Variants in FCHSD2 observed in about 807,000 individuals in gnomAD.
FCHSD2 encodes F-BAR and double SH3 domains protein 2.
FCHSD2 carries 38 observed loss-of-function variants against 108.1 expected under a neutral mutation model. The observed-to-expected ratio is 0.35, with a 90% CI of 0.27 to 0.46. The LOEUF (loss-of-function observed/expected upper bound fraction) is 0.46, where lower values mean the gene tolerates loss of function less well. FCHSD2 is among the 20% of genes least tolerant of loss of function. The pLI, the probability that FCHSD2 is intolerant of heterozygous loss-of-function variation, is 1.00. For missense variants in FCHSD2, 751 were observed against 897.8 expected (o/e 0.84, Z 2.09); for synonymous variants, 279 against 314.7 (o/e 0.89, Z 1.20).
intron 2 of FCHSD2, among the ~76,000 whole-genome samples, chr11:73,134,986 T>C (rs1228333189): frequency 6.6e-6 from 1 of 151,988 alleles, no homozygotes; most frequent in Non-Finnish European, 1.5e-5. Context: ...CTAGAGTAGC[T>C]AGGATTATAG....
At chr11:73,016,019 T>A (rs1591484139) in intron 3 of FCHSD2, 134 bp from the exon 4 acceptor site, 5 of 600,014 alleles carry the variant, frequency 8.3e-6, no homozygotes, top group Non-Finnish European at 1.4e-5. Flanking sequence ...AAAACAATGA[T>A]AGGCTGCACG....
At chr11:73,136,893 G>A (rs55691089) in intron 2 of FCHSD2, among the ~76,000 whole-genome samples, 4,071 of 152,140 alleles carry the variant, frequency 0.027, 184 homozygotes, top group African/African-American at 0.094. Flanking sequence ...TTAGCCGGGC[G>A]TGGTGGCAGG....
intron 3 of FCHSD2, among the ~76,000 whole-genome samples, chr11:73,018,450 C>A (rs1211636630): frequency 6.6e-6 from 1 of 151,974 alleles, no homozygotes; most frequent in African/African-American, 2.4e-5. Context: ...AATCATCATA[C>A]ACTGTTACTG....
At chr11:73,035,036 A>C (rs1325174166) in intron 3 of FCHSD2, among the ~76,000 whole-genome samples, 1 of 152,192 alleles carries the variant, frequency 6.6e-6, no homozygotes, top group Non-Finnish European at 1.5e-5. Context: ...GGTGATTCTG[A>C]TATGCAGCCA....
chr11:73,016,256 C>G (rs1304509335), intron 3 of FCHSD2, among the ~76,000 whole-genome samples: 2 of 150,700 alleles, frequency 1.3e-5, no homozygotes, highest in African/African-American at 4.9e-5. Flanking sequence ...TGAGCCGAGA[C>G]TGGGCCTCAG....
Position 73,048,465 on chromosome 11 carries a change from G to C in FCHSD2, c.166-32580C>G, listed in dbSNP as rs137966433. Among the ~76,000 whole-genome samples the C allele has an allele frequency of 3.5e-3, 527 of 152,294 alleles. 1 individual carries two copies. The highest frequency in any genetic ancestry group is 0.012 in the African/African-American group (505 of 41,564). On this transcript the variant is annotated intron_variant, in intron 3 of 19. Transcript: ENST00000409418. ...ATACTCTGTAACAACTCAAAAAGTG[G>C]AAATGGATTAAAACAATAAATGCTA...
chr11:73,120,931 T>C (rs1485931833), intron 2 of FCHSD2, among the ~76,000 whole-genome samples: 1 of 151,156 alleles, frequency 6.6e-6, no homozygotes, highest in African/African-American at 2.4e-5. Flanking sequence ...AAACATAGGC[T>C]CCCCACGAAA....
chr11:72,941,978 T>C (rs77576882), intron 8 of FCHSD2, among the ~76,000 whole-genome samples: 118 of 152,354 alleles, frequency 7.7e-4, no homozygotes, highest in African/African-American at 2.6e-3. Flanking sequence ...TCAAATACTA[T>C]GCAGTCATTA....
In FCHSD2 at chr11:73,070,199, G is replaced by A. The variant is rs117308472; in HGVS notation, c.165+13496C>T. ...TTAATGACATGGAAAGCAATCTCCAGAACAATATCCCTATAAGTGTAGTCT... is the reference window on the plus strand; with the variant it reads ...TTAATGACATGGAAAGCAATCTCCAAAACAATATCCCTATAAGTGTAGTCT... On this transcript the variant is annotated intron_variant, in intron 3 of 19. Transcript: ENST00000409418. Among the ~76,000 whole-genome samples, 1,050 of 152,264 alleles carry A rather than the reference G, an allele frequency of 6.9e-3. 4 individuals carry two copies. Among genetic ancestry groups the A allele is most frequent in the Non-Finnish European group, 9.9e-3 (676 of 68,020 alleles).
chr11:73,055,558 T>C (rs1315578368), intron 3 of FCHSD2, among the ~76,000 whole-genome samples: 1 of 152,204 alleles, frequency 6.6e-6, no homozygotes, highest in Non-Finnish European at 1.5e-5. Flanking sequence ...AAGATACTGA[T>C]ATTTCAAAAT....
chr11:73,120,169 G>A (rs4944823), intron 2 of FCHSD2, among the ~76,000 whole-genome samples: 102,687 of 151,920 alleles, frequency 0.68, 36,839 homozygotes, highest in South Asian at 0.85. Context: ...CCCACAACAC[G>A]TGGGAATTAT....
chr11:72,936,241 T>G (rs1856298353), intron 8 of FCHSD2, among the ~76,000 whole-genome samples: 1 of 152,200 alleles, frequency 6.6e-6, no homozygotes, highest in East Asian at 1.9e-4. Context: ...CTATCTCCCT[T>G]GTAAGCCTAT....
At chr11:73,076,331 A>G (rs994462135) in intron 3 of FCHSD2, among the ~76,000 whole-genome samples, 1 of 152,256 alleles carries the variant, frequency 6.6e-6, no homozygotes, top group African/African-American at 2.4e-5. Flanking sequence ...AAAATGTTAT[A>G]TATCTGTGCC....
At chr11:73,017,501 T>G (rs1857999725) in intron 3 of FCHSD2, among the ~76,000 whole-genome samples, 1 of 152,202 alleles carries the variant, frequency 6.6e-6, no homozygotes, top group Non-Finnish European at 1.5e-5. Flanking sequence ...ATGGTACCTT[T>G]CTATTAAGGT....
chr11:72,878,698 A>G (rs541755217), intron 12 of FCHSD2, among the ~76,000 whole-genome samples: 131 of 152,338 alleles, frequency 8.6e-4, no homozygotes, highest in African/African-American at 2.9e-3. Flanking sequence ...AAAATCTATA[A>G]TAAGTTGAAA....
At chr11:72,900,353 A>G in intron 10 of FCHSD2, 1 of 1,505,326 alleles carries the variant, frequency 6.6e-7, no homozygotes, top group Non-Finnish European at 9.0e-7. Flanking sequence ...TTGCACAAGG[A>G]CAAAAAACAT....
chr11:73,127,856 CG>C (rs1441288541), intron 2 of FCHSD2, among the ~76,000 whole-genome samples: 5 of 126,150 alleles, frequency 4.0e-5, no homozygotes, highest in African/African-American at 1.2e-4. Context: ...GGTTGGGGGG[CG>C]GGGGTGGGAA....
chr11:72,847,452 A>G (rs530329603), intron 14 of FCHSD2, among the ~76,000 whole-genome samples: 1 of 152,360 alleles, frequency 6.6e-6, no homozygotes, highest in South Asian at 2.1e-4. Context: ...GAAGACACAC[A>G]GACAAGGTAA....
chr11:73,084,125 A>G (rs1197047169), intron 2 of FCHSD2, among the ~76,000 whole-genome samples: 1 of 152,254 alleles, frequency 6.6e-6, no homozygotes, highest in Non-Finnish European at 1.5e-5. Flanking sequence ...AATGTTGGCT[A>G]CTGTTATAAG....
Sources: gnomAD v4.1 joint callset for allele counts (sites outside exome capture counted in the v4.1 genomes callset) on GRCh38, gnomAD v4.1.1 for gene constraint, MANE v1.5 for transcripts, NCBI Gene and HGNC (gene_info 2026-07-23, HGNC 2026-07-21) for gene names.